Variants in LSAMP observed in about 807,000 individuals in gnomAD.
LSAMP encodes the protein limbic system associated membrane protein.
LSAMP carries 7 observed loss-of-function variants against 38.6 expected under a neutral mutation model. The ratio of observed to expected loss-of-function variants is 0.18; its 90% confidence interval spans 0.10 to 0.34. The LOEUF (loss-of-function observed/expected upper bound fraction) is 0.34. Among genes scored for constraint, LSAMP ranks in the 10% least tolerant of loss-of-function variants. The pLI is 1.00. For missense variants in LSAMP, 313 were observed against 420.0 expected (o/e 0.75, Z 2.23); for synonymous variants, 154 against 166.8 (o/e 0.92, Z 0.59).
At chr3:115,920,184 CT>C (rs960100031) in intron 3 of LSAMP, among the ~76,000 whole-genome samples, 7 of 152,132 alleles carry the variant, frequency 4.6e-5, no homozygotes, top group African/African-American at 1.7e-4. Flanking sequence ...GATTTCAATT[CT>C]TTTGTATAAA....
At chr3:115,867,702 A>G (rs747762548) in intron 3 of LSAMP, among the ~76,000 whole-genome samples, 71 of 152,236 alleles carry the variant, frequency 4.7e-4, no homozygotes, top group Admixed American at 1.0e-3. Context: ...GCCTAAAGTA[A>G]TCTCACAGAT....
At chr3:116,303,469 ATTC>A (rs2047441836) in intron 1 of LSAMP, among the ~76,000 whole-genome samples, 1 of 152,160 alleles carries the variant, frequency 6.6e-6, no homozygotes, top group African/African-American at 2.4e-5. Flanking sequence ...ATTTTTTTCT[ATTC>A]TTTTTTTGGA....
intron 1 of LSAMP, among the ~76,000 whole-genome samples, chr3:116,438,577 A>G (rs896317832): frequency 1.3e-5 from 2 of 152,242 alleles, no homozygotes; most frequent in Non-Finnish European, 2.9e-5. Flanking sequence ...ATTATTTAGC[A>G]AATCACATGT....
Position 116,126,604 on chromosome 3 carries a change from G to A in LSAMP, c.156-40048C>T, listed in dbSNP as rs151143976. Among the ~76,000 whole-genome samples the A allele has an allele frequency of 2.0e-3, 303 of 152,278 alleles. 1 individual carries two copies. Among genetic ancestry groups the A allele is most frequent in the African/African-American group, 6.9e-3 (286 of 41,558 alleles). On this transcript the variant is annotated intron_variant, in intron 1 of 6. Coordinates refer to ENST00000490035, the MANE Select transcript of LSAMP (RefSeq NM_002338.5). ...GGGCCAGGGGCAGTGGCTCATGCAT[G>A]TAATCCCAGCACTTTGGGAGGCCAA...
chr3:116,298,170 T>C (rs2047360973), intron 1 of LSAMP, among the ~76,000 whole-genome samples: 2 of 152,194 alleles, frequency 1.3e-5, no homozygotes, highest in African/African-American at 4.8e-5. Context: ...ATACCTAAAA[T>C]ATAATACAAC....
Position 115,820,000 on chromosome 3 carries a change from G to A in LSAMP, c.920-9586C>T, listed in dbSNP as rs148030830. On this transcript the variant is annotated intron_variant, in intron 6 of 6. Coordinates refer to ENST00000490035, the MANE Select transcript of LSAMP (RefSeq NM_002338.5). The stretch of plus-strand genomic sequence containing the variant: ...ATGAATCACCTTTGTCCACGAGGTG[G>A]CAATAGTGGGAGAAATAAACACTTT... 4.1e-4 allele frequency among the ~76,000 whole-genome samples: 62 copies of A among 151,226 alleles called. 1 individual carries two copies. The East Asian group carries it at 7.6e-3, about 18-fold the overall frequency.
intron 1 of LSAMP, among the ~76,000 whole-genome samples, chr3:116,382,458 AAC>A (rs1205944257): frequency 6.7e-6 from 1 of 148,622 alleles, no homozygotes; most frequent in Non-Finnish European, 1.5e-5. Flanking sequence ...GAACAATGAG[AAC>A]ACTTGGACAC....
chr3:115,939,947 A>T (rs1418668249), intron 3 of LSAMP, among the ~76,000 whole-genome samples: 1 of 152,028 alleles, frequency 6.6e-6, no homozygotes, highest in African/African-American at 2.4e-5. Flanking sequence ...CCTCACGGTG[A>T]GTGTTACAGC....
intron 3 of LSAMP, among the ~76,000 whole-genome samples, chr3:115,865,064 C>T (rs1483853332): frequency 1.3e-5 from 2 of 152,118 alleles, no homozygotes. Context: ...AATAACTGTC[C>T]AGAGATAATT....
At chr3:115,876,078 T>G (rs893081650) in intron 3 of LSAMP, among the ~76,000 whole-genome samples, 1 of 151,990 alleles carries the variant, frequency 6.6e-6, no homozygotes, top group South Asian at 2.1e-4. Flanking sequence ...TTGAGGAGAT[T>G]TGTCTCTGTA....
At chr3:115,896,034 A>G (rs1351009119) in intron 3 of LSAMP, among the ~76,000 whole-genome samples, 1 of 152,114 alleles carries the variant, frequency 6.6e-6, no homozygotes, top group East Asian at 1.9e-4. Flanking sequence ...TTGCCATTTC[A>G]CTAAATGTAC....
Position 116,275,345 on chromosome 3 carries a change from A to G in LSAMP, c.155+169532T>C, listed in dbSNP as rs1016262390. Among the ~76,000 whole-genome samples, 5 of 151,840 alleles carry G rather than the reference A, an allele frequency of 3.3e-5. No individual in the cohort carries two copies. In the East Asian group the frequency reaches 7.7e-4, roughly 23 times the overall value. ...TGGGATTACAAGCTTGAGCCACCAC[A>G]CCCTGCCCCACCGCCCACATTTTTG... On this transcript the variant is annotated intron_variant, in intron 1 of 6. Transcript: ENST00000490035.
chr3:116,220,726 T>C (rs551604047), intron 1 of LSAMP, among the ~76,000 whole-genome samples: 1 of 152,312 alleles, frequency 6.6e-6, no homozygotes, highest in African/African-American at 2.4e-5. Flanking sequence ...GGGGGCCACT[T>C]ATCTACTACT....
intron 3 of LSAMP, among the ~76,000 whole-genome samples, chr3:116,007,146 T>A (rs948090543): frequency 6.6e-6 from 1 of 152,130 alleles, no homozygotes; most frequent in Admixed American, 6.6e-5. Context: ...ATTTTAACAC[T>A]GCAGTCAACT....
intron 3 of LSAMP, among the ~76,000 whole-genome samples, chr3:116,002,856 A>C (rs1940041324): frequency 1.3e-5 from 2 of 152,180 alleles, no homozygotes; most frequent in Non-Finnish European, 2.9e-5. Context: ...TAGGGTTTAA[A>C]TAGGATACCT....
At chr3:116,202,667 T>C (rs1235102152) in intron 1 of LSAMP, among the ~76,000 whole-genome samples, 2 of 150,370 alleles carry the variant, frequency 1.3e-5, no homozygotes, top group Non-Finnish European at 3.0e-5. Context: ...CAAGTGATCC[T>C]CCCAACTCAG....
chr3:115,994,774 A>T (rs1463326308), intron 3 of LSAMP, among the ~76,000 whole-genome samples: 3 of 152,102 alleles, frequency 2.0e-5, no homozygotes, highest in Non-Finnish European at 2.9e-5. Flanking sequence ...TTTTCGCTTT[A>T]ATCTGTGGAC....
At chr3:116,035,254 G>T (rs186274199) in intron 2 of LSAMP, among the ~76,000 whole-genome samples, 11 of 152,252 alleles carry the variant, frequency 7.2e-5, no homozygotes, top group Non-Finnish European at 1.5e-4. Flanking sequence ...AATTTTATAT[G>T]CTACTGCTAT....
At chr3:116,100,279 C>T (rs1025854818) in intron 1 of LSAMP, among the ~76,000 whole-genome samples, 6 of 152,026 alleles carry the variant, frequency 3.9e-5, no homozygotes, top group Non-Finnish European at 2.9e-5. Context: ...ACGGTTTCAA[C>T]ATGTTGGCTA....
Sources: gnomAD v4.1 joint callset for allele counts (sites outside exome capture counted in the v4.1 genomes callset) on GRCh38, gnomAD v4.1.1 for gene constraint, MANE v1.5 for transcripts, NCBI Gene and HGNC (gene_info 2026-07-23, HGNC 2026-07-21) for gene names.